The following DOCK4 variants were observed in gnomAD, a reference collection of about 807,000 sequenced individuals.
The protein encoded by DOCK4 is dedicator of cytokinesis 4.
In DOCK4, 97 loss-of-function variants were observed where a neutral mutation model predicts 268.1. The ratio of observed to expected loss-of-function variants is 0.36; its 90% CI spans 0.31 to 0.43. The LOEUF is 0.43. DOCK4 is among the 20% of genes least tolerant of loss of function. The pLI is 1.00. For missense variants in DOCK4, 2,145 were observed against 2,455.7 expected (o/e 0.87, Z 2.67); for synonymous variants, 954 against 887.2 (o/e 1.08, Z -1.34).
chr7:111,992,630 C>T (rs985465233), intron 5 of DOCK4, among the ~76,000 whole-genome samples: 1 of 152,174 alleles, frequency 6.6e-6, no homozygotes, highest in Non-Finnish European at 1.5e-5. Flanking sequence ...CCAAAACAGA[C>T]ATTTGAAACC....
At chr7:112,100,670 T>G (rs1810599899) in intron 1 of DOCK4, among the ~76,000 whole-genome samples, 1 of 152,216 alleles carries the variant, frequency 6.6e-6, no homozygotes, top group African/African-American at 2.4e-5. Flanking sequence ...TGCTGTACAC[T>G]TCTATCTCCC....
In DOCK4 at chr7:112,024,675, CTT is replaced by C. The variant is rs540056988; in HGVS notation, c.38-20546_38-20545del. ...CTAAAGCTCTTCCTGCTTCAGAAAC[CTT>C]GACCTCAGTCAATTCTCCACTGACA... On this transcript the variant is annotated intron_variant, in intron 1 of 52. Transcript: ENST00000428084. Among the ~76,000 whole-genome samples the C allele has an allele frequency of 6.2e-3, 946 of 152,314 alleles. 9 individuals are homozygous for C. The highest frequency in any genetic ancestry group is 0.022 in the African/African-American group (896 of 41,564).
chr7:112,181,919 T>G (rs527391769), intron 1 of DOCK4, among the ~76,000 whole-genome samples: 1 of 152,294 alleles, frequency 6.6e-6, no homozygotes, highest in South Asian at 2.1e-4. Flanking sequence ...GATCTGCCTC[T>G]AGGGTGAGAA....
intron 32 of DOCK4, among the ~76,000 whole-genome samples, chr7:111,787,376 A>C (rs1215900280): frequency 6.6e-6 from 1 of 152,154 alleles, no homozygotes; most frequent in Non-Finnish European, 1.5e-5. Context: ...GCTGCCATAA[A>C]AGACTGAAGC....
rs571475211 is a variant in DOCK4 at position 111,889,996 on chromosome 7, C to T, written c.1587+5616G>A. Among the ~76,000 whole-genome samples the T allele has an allele frequency of 3.5e-4, 54 of 152,272 alleles. No homozygotes were observed. In the South Asian group the frequency reaches 7.9e-3, roughly 22 times the overall value. ...AAAACCCCAACTTCTCCAAGGCAGA[C>T]GGTATTATTACTATTTTCTTACTGG... is the stretch of plus-strand genomic sequence containing the variant. On this transcript the variant is annotated intron_variant, in intron 16 of 52. Transcript: ENST00000428084.
intron 10 of DOCK4, among the ~76,000 whole-genome samples, chr7:111,942,613 C>T (rs1795300404): frequency 6.6e-6 from 1 of 152,072 alleles, no homozygotes; most frequent in South Asian, 2.1e-4. Context: ...TCCCGGTCAC[C>T]TGCTTTGACC....
chr7:112,072,571 G>A (rs1807691098), intron 1 of DOCK4, among the ~76,000 whole-genome samples: 1 of 152,170 alleles, frequency 6.6e-6, no homozygotes, highest in African/African-American at 2.4e-5. Flanking sequence ...GTTACAGTAG[G>A]CAGTGAGGCA....
chr7:111,902,935 A>C (rs1175109329), intron 13 of DOCK4, among the ~76,000 whole-genome samples: 1 of 152,042 alleles, frequency 6.6e-6, no homozygotes, highest in Non-Finnish European at 1.5e-5. Context: ...ACGCCTGGCT[A>C]ATCTTTTGTA....
intron 23 of DOCK4, among the ~76,000 whole-genome samples, chr7:111,861,756 A>AT (rs1563606299): frequency 4.2e-5 from 6 of 143,526 alleles, no homozygotes; most frequent in African/African-American, 1.6e-4. Flanking sequence ...AAAAAAAAAA[A>AT]AAAATAATAA....
chr7:112,104,339 T>A (rs1027091634), intron 1 of DOCK4, among the ~76,000 whole-genome samples: 1 of 152,188 alleles, frequency 6.6e-6, no homozygotes, highest in Non-Finnish European at 1.5e-5. Flanking sequence ...TTTAAGTACA[T>A]CACTGCAATA....
At chr7:111,754,177 C>T (rs548005044) in intron 42 of DOCK4, among the ~76,000 whole-genome samples, 36 of 152,282 alleles carry the variant, frequency 2.4e-4, no homozygotes, top group South Asian at 8.3e-4. Flanking sequence ...TAGCAGTCTC[C>T]CCACTTCCAT....
At chr7:112,123,734 T>C (rs181718136) in intron 1 of DOCK4, among the ~76,000 whole-genome samples, 122 of 152,334 alleles carry the variant, frequency 8.0e-4, no homozygotes, top group African/African-American at 2.8e-3. Flanking sequence ...CCTTGAACTA[T>C]CTTCTGTCAC....
chr7:111,938,981 A>T (rs903343750), intron 11 of DOCK4, among the ~76,000 whole-genome samples: 25 of 151,040 alleles, frequency 1.7e-4, no homozygotes, highest in South Asian at 1.3e-3. Flanking sequence ...CTCAAAAAAA[A>T]AAAAAAAAAG....
At position 111,769,633 on chromosome 7, in the gene DOCK4, A is replaced by T. The variant is rs1215990560; in HGVS notation, c.3724T>A (p.Ser1242Thr). The change falls in exon 37 of 53, where the codon TCT (serine) becomes ACT (threonine). Residue 1242 changes from serine to threonine, a missense_variant. By Grantham distance (58) the Ser-to-Thr change is moderately conservative (BLOSUM62 1). Transcript: ENST00000428084. ...LLLYDELLEW[S>T]DRPLREFLTY... ...AGGAACTCCCTGAGGGGCCGATCAG[A>T]CCATTCCAGTAGCTCGTCATATAAG... 9.3e-6 allele frequency: 15 copies of T among 1,613,806 alleles called. No homozygotes were observed. In the East Asian group the frequency reaches 3.3e-4, roughly 36 times the overall value.
chr7:111,734,186 C>T (rs1795309865), intron 51 of DOCK4, among the ~76,000 whole-genome samples: 1 of 151,912 alleles, frequency 6.6e-6, no homozygotes, highest in African/African-American at 2.4e-5. Flanking sequence ...AAGTGATCTG[C>T]CTGCCTTGGC....
At chr7:111,775,714 C>G (rs1798401226) in intron 36 of DOCK4, among the ~76,000 whole-genome samples, 1 of 152,214 alleles carries the variant, frequency 6.6e-6, no homozygotes, top group Non-Finnish European at 1.5e-5. Context: ...TGGCCTCACT[C>G]AGTCTCAGAA....
intron 1 of DOCK4, among the ~76,000 whole-genome samples, chr7:112,204,547 C>G (rs1044272756): frequency 6.6e-5 from 10 of 152,166 alleles, no homozygotes; most frequent in African/African-American, 2.4e-4. Context: ...AGTAAAGAGG[C>G]TGGCAAAGAC....
At chr7:111,859,589 G>A (rs28574828) in intron 23 of DOCK4, among the ~76,000 whole-genome samples, 63,943 of 133,408 alleles carry the variant, frequency 0.48, 17,150 homozygotes, top group African/African-American at 0.74. Context: ...TTTTTTTGAG[G>A]CGGAGTCTCG....
intron 1 of DOCK4, among the ~76,000 whole-genome samples, chr7:112,014,920 AAAAGGAAGAAAAG>A (rs1233265510): frequency 2.0e-5 from 3 of 152,056 alleles, no homozygotes; most frequent in Non-Finnish European, 4.4e-5. Flanking sequence ...GAAGAAAGAG[AAAAGGAAGAAAAG>A]AAAGGAAGAA....
Sources: gnomAD v4.1 joint callset for allele counts (sites outside exome capture counted in the v4.1 genomes callset) on GRCh38, gnomAD v4.1.1 for gene constraint, MANE v1.5 for transcripts, NCBI Gene and HGNC (gene_info 2026-07-23, HGNC 2026-07-21) for gene names.